PAX5: variants seen among roughly 807,000 people sequenced by gnomAD.
PAX5 encodes paired box 5, also known as paired box protein Pax-5.
In PAX5, 9 loss-of-function variants were observed where a neutral mutation model predicts 43.7. That is an observed-to-expected ratio of 0.21 (90% CI 0.12 to 0.36). The LOEUF is 0.36. PAX5 is among the 10% of genes least tolerant of loss of function. PAX5 has a pLI of 1.00. For missense variants in PAX5, 383 were observed against 532.7 expected (o/e 0.72, Z 2.77); for synonymous variants, 228 against 214.3 (o/e 1.06, Z -0.56).
At chr9:36,956,083 T>C (rs559877450) in intron 6 of PAX5, among the ~76,000 whole-genome samples, 2 of 152,308 alleles carry the variant, frequency 1.3e-5, no homozygotes, top group Middle Eastern at 3.4e-3. Flanking sequence ...ATTGCAAATA[T>C]TGGATAGCCT....
chr9:36,853,037 C>T (rs1410188539), intron 8 of PAX5, among the ~76,000 whole-genome samples: 2 of 152,204 alleles, frequency 1.3e-5, no homozygotes, highest in East Asian at 1.9e-4. Context: ...TAGTGAACAC[C>T]TATGTAGCCA....
At chr9:36,992,957 C>T (rs756427670) in intron 5 of PAX5, among the ~76,000 whole-genome samples, 2 of 152,192 alleles carry the variant, frequency 1.3e-5, no homozygotes, top group African/African-American at 2.4e-5. Context: ...CTGGGATACA[C>T]GTGCAGAATG....
At chr9:36,852,273 A>C (rs1823233388) in intron 8 of PAX5, among the ~76,000 whole-genome samples, 2 of 152,178 alleles carry the variant, frequency 1.3e-5, no homozygotes, top group African/African-American at 4.8e-5. Context: ...GGGAAGAGGA[A>C]ACCCAGTGAC....
intron 7 of PAX5, among the ~76,000 whole-genome samples, chr9:36,887,584 G>C (rs1203774766): frequency 6.6e-6 from 1 of 152,174 alleles, no homozygotes; most frequent in Non-Finnish European, 1.5e-5. Context: ...TCCAGGTGCA[G>C]AAAGACTTTC....
At chr9:36,986,801 G>A (rs1836470608) in intron 5 of PAX5, among the ~76,000 whole-genome samples, 1 of 152,152 alleles carries the variant, frequency 6.6e-6, no homozygotes, top group South Asian at 2.1e-4. Context: ...CGGATCCCTG[G>A]ACCTCCTTCA....
intron 2 of PAX5, among the ~76,000 whole-genome samples, chr9:37,019,419 A>G (rs1042366436): frequency 6.6e-6 from 1 of 152,128 alleles, no homozygotes; most frequent in African/African-American, 2.4e-5. Context: ...GGGCTGGAGG[A>G]TGCGGAATGA....
rs1415220910 is a variant in PAX5, at chr9:36,837,866, T to C, written c.*2694A>G. ...CCAGGTGGGCTTTGCCGAGGAAGGATGCTGCATGCCTCAGGCAGCTGGTTC... is the reference window on the plus strand; with the variant it reads ...CCAGGTGGGCTTTGCCGAGGAAGGACGCTGCATGCCTCAGGCAGCTGGTTC... On this transcript the variant is annotated 3_prime_UTR_variant, in exon 10 of 10. Coordinates refer to ENST00000358127, the MANE Select transcript of PAX5 (RefSeq NM_016734.3). The C allele has an allele frequency of 4.3e-6, 1 of 233,418 alleles. No homozygotes were observed. The highest frequency in any genetic ancestry group is 8.5e-6 in the Non-Finnish European group (1 of 118,242). The allele number at this position is 233,418 out of a possible 1,614,324, so 14.5% of individuals were successfully genotyped here. A position where few individuals can be genotyped will look rare whatever the true frequency, so the allele number is the denominator to read the frequency against.
Position 36,882,643 on chromosome 9 carries a change from T to C in PAX5, c.911-538A>G, listed in dbSNP as rs1826549527. The stretch of plus-strand genomic sequence containing the variant: ...CAGGGGGCATATCTGCCTCAAACCT[T>C]ATAGTCCCATATCTGGCCTAGTACT... On this transcript the variant is annotated intron_variant, in intron 7 of 9. Coordinates refer to ENST00000358127, the MANE Select transcript of PAX5 (RefSeq NM_016734.3). The surrounding 1 kb of genome is among the most constrained non-coding windows in gnomAD (Gnocchi z 4.4). Among the ~76,000 whole-genome samples the C allele has an allele frequency of 6.6e-6, 1 of 152,186 alleles. No individual in the cohort carries two copies. The highest frequency in any genetic ancestry group is 2.4e-5 in the African/African-American group (1 of 41,450).
rs1444778762 is a variant in PAX5 at position 36,839,896 on chromosome 9, A to G, written c.*664T>C. On this transcript the variant is annotated 3_prime_UTR_variant, in exon 10 of 10. Transcript: ENST00000358127. Reference sequence around the variant, plus strand: ...TCCCCAAAGTGTGCTCCTCTTGGAGAGGGGCCTCAGGGGGAGCCTGCAGCA... The same window carrying G: ...TCCCCAAAGTGTGCTCCTCTTGGAGGGGGGCCTCAGGGGGAGCCTGCAGCA... The G allele has an allele frequency of 2.6e-5, 6 of 234,260 alleles. No individual in the cohort carries two copies. Among genetic ancestry groups the G allele is most frequent in the Non-Finnish European group, 5.1e-5 (6 of 118,794 alleles). 14.5% of individuals were successfully genotyped at this position (234,260 alleles called of 1,614,324 possible).
Position 36,835,723 on chromosome 9 carries a change from C to T in PAX5, c.*4837G>A, listed in dbSNP as rs1315339647. The T allele has an allele frequency of 8.6e-6, 2 of 233,178 alleles. No homozygotes were observed. Among genetic ancestry groups the T allele is most frequent in the East Asian group, 1.2e-4 (2 of 16,588 alleles). 14.4% of individuals were successfully genotyped at this position (233,178 alleles called of 1,614,324 possible). On this transcript the variant is annotated 3_prime_UTR_variant, in exon 10 of 10. Transcript: ENST00000358127. ...GAAAGAAATAGTTTCCCCAGGAGAG[C>T]TGGTGTGTGGCTGGGAACCATCAGA...
intron 5 of PAX5, among the ~76,000 whole-genome samples, chr9:36,999,805 T>A (rs1837696726): frequency 6.6e-6 from 1 of 152,172 alleles, no homozygotes; most frequent in African/African-American, 2.4e-5. Flanking sequence ...TGCTTCTTAC[T>A]TTCTCTGCTC....
At chr9:36,888,755 C>G (rs11999001) in intron 7 of PAX5, among the ~76,000 whole-genome samples, 10,689 of 152,284 alleles carry the variant, frequency 0.07, 388 homozygotes, top group African/African-American at 0.077. Flanking sequence ...AGACCTGACC[C>G]CAGGGAGGAG....
At chr9:36,942,679 A>T (rs1217483775) in intron 6 of PAX5, among the ~76,000 whole-genome samples, 1 of 152,234 alleles carries the variant, frequency 6.6e-6, no homozygotes, top group African/African-American at 2.4e-5. Flanking sequence ...CTTTTTGCAG[A>T]TGCAGAAACT....
At chr9:36,876,842 G>A (rs565743874) in intron 8 of PAX5, among the ~76,000 whole-genome samples, 15 of 152,274 alleles carry the variant, frequency 9.9e-5, no homozygotes, top group Admixed American at 3.9e-4. Flanking sequence ...CCCTGGAGCC[G>A]GAAGGAGCAG....
chr9:36,959,160 C>T (rs571542314), intron 6 of PAX5, among the ~76,000 whole-genome samples: 98 of 152,252 alleles, frequency 6.4e-4, no homozygotes, highest in Non-Finnish European at 1.2e-3. Context: ...AAGATCTTCT[C>T]TACTCCTTCC....
chr9:36,844,444 G>A (rs902909496), intron 9 of PAX5, among the ~76,000 whole-genome samples: 3 of 151,706 alleles, frequency 2.0e-5, no homozygotes, highest in Non-Finnish European at 2.9e-5. Context: ...TATGTGCTCT[G>A]TAGGGTTGCT....
chr9:36,934,926 T>G (rs992550444), intron 6 of PAX5, among the ~76,000 whole-genome samples: 5 of 152,208 alleles, frequency 3.3e-5, no homozygotes, highest in Admixed American at 3.3e-4. Context: ...ACAGGTACCA[T>G]GGCCTGGCTC....
chr9:37,009,730 A>AC (rs1191106389), intron 3 of PAX5, among the ~76,000 whole-genome samples: 2 of 152,126 alleles, frequency 1.3e-5, no homozygotes, highest in African/African-American at 4.8e-5. Context: ...GGGGATGCAT[A>AC]CCCCATTTTT....
intron 7 of PAX5, among the ~76,000 whole-genome samples, chr9:36,915,553 G>T (rs1829669031): frequency 1.3e-5 from 2 of 152,078 alleles, no homozygotes; most frequent in African/African-American, 4.8e-5. Context: ...AAAAAAATGG[G>T]CAAAGGATTT....
Sources: allele counts gnomAD v4.1 joint callset (sites outside exome capture counted in the v4.1 genomes callset), GRCh38; gene constraint gnomAD v4.1.1; non-coding constraint Gnocchi (gnomAD v3.1); transcripts MANE v1.5; gene names NCBI Gene and HGNC (gene_info 2026-07-23, HGNC 2026-07-21).